The following GRK2 variants were observed in gnomAD, a reference collection of about 807,000 sequenced individuals.
GRK2 encodes the protein adrenergic beta receptor kinase 1.
A neutral mutation model predicts 97.8 loss-of-function variants in GRK2; 23 were observed. The observed-to-expected ratio is 0.24, with a 90% CI of 0.17 to 0.33. The LOEUF (loss-of-function observed/expected upper bound fraction) is 0.33, where lower values mean the gene tolerates loss of function less well. Among genes scored for constraint, GRK2 ranks in the 10% least tolerant of loss-of-function variants. GRK2 has a pLI of 1.00. For synonymous variants in GRK2, 425 were observed against 381.7 expected, an observed-to-expected ratio of 1.11 and a Z score of -1.32; for missense variants, 633 against 956.9, an observed-to-expected ratio of 0.66 and a Z score of 4.47.
In GRK2 at chr11:67,283,248, G is replaced by C. The variant is rs1860194448; in HGVS notation, c.1328+20G>C. 6.2e-7 allele frequency: 1 copy of C among 1,605,644 alleles called. No homozygotes were observed. The highest frequency in any genetic ancestry group is 1.1e-5 in the South Asian group (1 of 90,940). On this transcript the variant is annotated intron_variant, in intron 15 of 20. Transcript: ENST00000308595. ...CCGAGGGTGAGTACCCTGGCGCCTT[G>C]GGCATGCTGCTGGCTGTGCCCCCAT...
intron 7 of GRK2, 139 bp from the exon 8 acceptor site, chr11:67,280,954 C>T (rs1353239770): frequency 3.8e-5 from 42 of 1,096,076 alleles, no homozygotes; most frequent in Middle Eastern, 2.0e-4. Flanking sequence ...GAGGCCGGAG[C>T]AGGTAAATAT....
At chr11:67,278,378 G>C (rs1030663094) in intron 2 of GRK2, among the ~76,000 whole-genome samples, 59 of 152,178 alleles carry the variant, frequency 3.9e-4, no homozygotes, top group African/African-American at 1.4e-3. Context: ...CAGGGTCCAG[G>C]CCCCTTACTC....
chr11:67,280,992 TG>T, intron 7 of GRK2, 100 bp from the exon 8 acceptor site: 1 of 1,177,144 alleles, frequency 8.5e-7, no homozygotes, highest in Non-Finnish European at 1.2e-6. Flanking sequence ...GACATGGGTA[TG>T]GGGACCCTGG....
intron 3 of GRK2, 69 bp downstream of exon 3, chr11:67,279,342 A>T: frequency 6.2e-7 from 1 of 1,606,014 alleles, no homozygotes; most frequent in Non-Finnish European, 8.5e-7. Flanking sequence ...GCTTTGTGGA[A>T]CCCACAAGCT....
At chr11:67,283,465 T>C (rs1019319792) in intron 15 of GRK2, 7 of 609,458 alleles carry the variant, frequency 1.1e-5, no homozygotes, top group African/African-American at 1.9e-5. Flanking sequence ...ATGATGATGA[T>C]AGCAGCTTTT....
chr11:67,281,104 T>C lies in GRK2; in HGVS notation c.567T>C (p.Asn189=). 6.2e-7 allele frequency: 1 copy of C among 1,612,884 alleles called. No individual in the cohort carries two copies. The highest frequency in any genetic ancestry group is 8.5e-7 in the Non-Finnish European group (1 of 1,179,454). The change falls in exon 8 of 21, where the codon AAT becomes AAC. Residue 189 remains asparagine, a synonymous_variant. Transcript: ENST00000308595. The surrounding 1 kb of genome is among the most constrained non-coding windows in gnomAD (Gnocchi z 5.7). ...TCGCTGCCCCTCAGCTGACCATGAA[T>C]GACTTCAGCGTGCATCGCATCATTG... ...NVELNIHLTM[N]DFSVHRIIGR... is the part of the protein sequence containing the mutation.
Position 67,272,775 on chromosome 11 carries a change from A to G in GRK2, c.114-4497A>G, listed in dbSNP as rs527751547. Among the ~76,000 whole-genome samples the G allele has an allele frequency of 3.3e-4, 51 of 152,354 alleles. No individual in the cohort carries two copies. In the South Asian group the frequency reaches 0.01, roughly 31 times the overall value. On this transcript the variant is annotated intron_variant, in intron 1 of 20. Coordinates refer to ENST00000308595, the MANE Select transcript of GRK2 (RefSeq NM_001619.5). The stretch of plus-strand genomic sequence containing the variant: ...GCAGGGCAAGCCACGGGCTCTACCC[A>G]CTGGGCCCGCAGTAGAGCAATGCAG...
At chr11:67,279,335 TTG>T (rs1461287702) in intron 3 of GRK2, 62 bp downstream of exon 3, 5 of 1,610,230 alleles carry the variant, frequency 3.1e-6, no homozygotes, top group Non-Finnish European at 3.4e-6. Flanking sequence ...TGGGGCGGCT[TTG>T]TGGAACCCAC....
rs770682317 is a variant in GRK2, at chr11:67,282,391, C to G, written c.1052+26C>G. 2 of 1,612,206 alleles carry G rather than the reference C, an allele frequency of 1.2e-6. No individual in the cohort carries two copies. Among genetic ancestry groups the G allele is most frequent in the Non-Finnish European group, 1.7e-6 (2 of 1,178,928 alleles). ...GTGAGTGCCCCCCACCCTCTCCCTC[C>G]CCACCCCTTGCCACTCCCGCTTATG... is the stretch of plus-strand genomic sequence containing the variant. On this transcript the variant is annotated intron_variant, in intron 12 of 20. Coordinates refer to ENST00000308595, the MANE Select transcript of GRK2 (RefSeq NM_001619.5). This position sits in a 1 kb window ranked among gnomAD's most constrained non-coding sequence, Gnocchi z 6.9.
Position 67,286,269 on chromosome 11 carries a change from C to A in GRK2, c.*819C>A. The A allele has an allele frequency of 1.6e-6, 1 of 618,776 alleles. No individual in the cohort carries two copies. The allele number at this position is 618,776 out of a possible 1,614,324, so 38.3% of individuals were successfully genotyped here. On this transcript the variant is annotated 3_prime_UTR_variant, in exon 21 of 21. Coordinates refer to ENST00000308595, the MANE Select transcript of GRK2 (RefSeq NM_001619.5). Reference sequence around the variant, plus strand: ...GCGGGCAGCACAGCAAGGAGGCTGGCTGGGGCCTATCAGTGTGCCCCCCAT... The same window carrying A: ...GCGGGCAGCACAGCAAGGAGGCTGGATGGGGCCTATCAGTGTGCCCCCCAT...
rs752093422 is a variant in GRK2 at position 67,281,203 on chromosome 11, G to A, written c.647+19G>A. The A allele has an allele frequency of 7.5e-6, 12 of 1,601,802 alleles. No individual in the cohort carries two copies. The highest frequency in any genetic ancestry group is 5.1e-5 in the Admixed American group (3 of 58,922). Reference sequence around the variant, plus strand: ...GCAAGATGTGAGCACCCTGCTCGGCGCGGTGGGATACCTCGGGGAGCCGGG... The same window carrying A: ...GCAAGATGTGAGCACCCTGCTCGGCACGGTGGGATACCTCGGGGAGCCGGG... On this transcript the variant is annotated intron_variant, in intron 8 of 20. Coordinates refer to ENST00000308595, the MANE Select transcript of GRK2 (RefSeq NM_001619.5). The surrounding 1 kb of genome is among the most constrained non-coding windows in gnomAD (Gnocchi z 5.7).
rs373128990 is a variant in GRK2, at chr11:67,283,967, G to A, written c.1491+18G>A. On this transcript the variant is annotated intron_variant, in intron 17 of 20. Coordinates refer to ENST00000308595, the MANE Select transcript of GRK2 (RefSeq NM_001619.5). ...GAATCAAGGTACTGGGCCTTGCCTG[G>A]CCTCTTGTACCTAGGCTGTGATCCT... The A allele has an allele frequency of 8.1e-5, 129 of 1,586,796 alleles. No homozygotes were observed. In the African/African-American group the frequency reaches 1.7e-3, roughly 20 times the overall value.
At chr11:67,270,353 C>G (rs1456669514) in intron 1 of GRK2, among the ~76,000 whole-genome samples, 1 of 152,182 alleles carries the variant, frequency 6.6e-6, no homozygotes, top group Non-Finnish European at 1.5e-5. Flanking sequence ...CTGGGTGCCT[C>G]TTGCAGCCTC....
chr11:67,282,161 T>A lies in GRK2; in HGVS notation c.958-110T>A, dbSNP rs977211242. ...AGAGAGGACCCCCACCTTTGCCCTT[T>A]CTTTGGGTACCCATCGTCCTCTCCA... On this transcript the variant is annotated intron_variant, in intron 11 of 20. Coordinates refer to ENST00000308595, the MANE Select transcript of GRK2 (RefSeq NM_001619.5). This position sits in a 1 kb window ranked among gnomAD's most constrained non-coding sequence, Gnocchi z 6.9. 14 of 1,273,238 alleles carry A rather than the reference T, an allele frequency of 1.1e-5. No homozygotes were observed. In the African/African-American group the frequency reaches 1.8e-4, roughly 16 times the overall value. 78.9% of individuals were successfully genotyped at this position (1,273,238 alleles called of 1,614,324 possible).
Position 67,282,059 on chromosome 11 carries a change from G to A in GRK2, c.957+107G>A, listed in dbSNP as rs1220564628. ...GGAGTGGGGCTCCTGGGACATGGCCGCCCCGTATCTTCCCATCTCCGCCCC... is the reference window on the plus strand; with the variant it reads ...GGAGTGGGGCTCCTGGGACATGGCCACCCCGTATCTTCCCATCTCCGCCCC... On this transcript the variant is annotated intron_variant, in intron 11 of 20. Coordinates refer to ENST00000308595, the MANE Select transcript of GRK2 (RefSeq NM_001619.5). The surrounding 1 kb of genome is among the most constrained non-coding windows in gnomAD (Gnocchi z 6.9). The A allele has an allele frequency of 8.3e-6, 12 of 1,451,756 alleles. No homozygotes were observed. Among genetic ancestry groups the A allele is most frequent in the Admixed American group, 5.6e-5 (3 of 54,006 alleles). 89.9% of individuals were successfully genotyped at this position (1,451,756 alleles called of 1,614,324 possible).
rs1287816701 is a variant in GRK2, at chr11:67,286,551, G to T, written c.*1101G>T. 1.3e-5 allele frequency: 9 copies of T among 700,176 alleles called. No individual in the cohort carries two copies. The Admixed American group carries it at 1.8e-4, about 14-fold the overall frequency. The allele number at this position is 700,176 out of a possible 1,614,324, so 43.4% of individuals were successfully genotyped here. A position where few individuals can be genotyped will look rare whatever the true frequency, so the allele number is the denominator to read the frequency against. The stretch of plus-strand genomic sequence containing the variant: ...ACTATGCGTTTTTATAAAAAATGGT[G>T]CCTGATTCGGCTGTCTCAGACTCTT... On this transcript the variant is annotated 3_prime_UTR_variant, in exon 21 of 21. Coordinates refer to ENST00000308595, the MANE Select transcript of GRK2 (RefSeq NM_001619.5).
At position 67,281,016 on chromosome 11, in the gene GRK2, C is replaced by T. The variant is rs997435809; in HGVS notation, c.556-77C>T. 20 of 1,334,610 alleles carry T rather than the reference C, an allele frequency of 1.5e-5. No individual in the cohort carries two copies. The highest frequency in any genetic ancestry group is 1.5e-4 in the African/African-American group (10 of 68,502). 82.7% of individuals were successfully genotyped at this position (1,334,610 alleles called of 1,614,324 possible). A position where few individuals can be genotyped will look rare whatever the true frequency, so the allele number is the denominator to read the frequency against. ...ATGGGGACCCTGGCATGGGGCCAGC[C>T]CCTGCTGCCCAGGTGCCTCTGCCCC... On this transcript the variant is annotated intron_variant, in intron 7 of 20. Coordinates refer to ENST00000308595, the MANE Select transcript of GRK2 (RefSeq NM_001619.5). This position sits in a 1 kb window ranked among gnomAD's most constrained non-coding sequence, Gnocchi z 5.7.
At position 67,282,896 on chromosome 11, in the gene GRK2, C is replaced by T. The variant is rs1187036373; in HGVS notation, c.1227+78C>T. 1.4e-6 allele frequency: 2 copies of T among 1,473,298 alleles called. No homozygotes were observed. The highest frequency in any genetic ancestry group is 2.4e-5 in the East Asian group (1 of 41,520). The allele number at this position is 1,473,298 out of a possible 1,614,324, so 91.3% of individuals were successfully genotyped here. A position where few individuals can be genotyped will look rare whatever the true frequency, so the allele number is the denominator to read the frequency against. ...GGTGCCAGGCCATGACTCTTGCTTC[C>T]CACCAGCCAGCAGAGATCTGGGCCA... On this transcript the variant is annotated intron_variant, in intron 14 of 20. Transcript: ENST00000308595. This position sits in a 1 kb window ranked among gnomAD's most constrained non-coding sequence, Gnocchi z 6.9.
rs1191186335 is a variant in GRK2, at chr11:67,266,720, G to C, written c.21G>C (p.Val7=). Residue 7 remains valine, a synonymous_variant, in exon 1 of 21, where the codon GTG becomes GTC. Coordinates refer to ENST00000308595, the MANE Select transcript of GRK2 (RefSeq NM_001619.5). ...CCAAGATGGCGGACCTGGAGGCGGT[G>C]CTGGCCGACGTGAGCTACCTGATGG... MADLEA[V]LADVSYLMAM... 1 of 1,313,860 alleles carries C rather than the reference G, an allele frequency of 7.6e-7. No individual in the cohort carries two copies. Among genetic ancestry groups the C allele is most frequent in the Non-Finnish European group, 9.8e-7 (1 of 1,020,196 alleles). 81.4% of individuals were successfully genotyped at this position (1,313,860 alleles called of 1,614,324 possible). A position where few individuals can be genotyped will look rare whatever the true frequency, so the allele number is the denominator to read the frequency against.
Sources: gnomAD v4.1 joint callset for allele counts (sites outside exome capture counted in the v4.1 genomes callset) on GRCh38, gnomAD v4.1.1 for gene constraint, Gnocchi (gnomAD v3.1) non-coding constraint, MANE v1.5 for transcripts, NCBI Gene and HGNC (gene_info 2026-07-23, HGNC 2026-07-21) for gene names.